ZCCHC8: variants seen among roughly 807,000 people sequenced by gnomAD.
ZCCHC8 encodes zinc finger CCHC-type containing 8.
A neutral mutation model predicts 70.6 loss-of-function variants in ZCCHC8; 27 were observed. The observed-to-expected ratio is 0.38, with a 90% CI of 0.28 to 0.53. ZCCHC8 has a LOEUF of 0.53. ZCCHC8 is among the 20% of genes least tolerant of loss of function. ZCCHC8 has a pLI of 0.81. For missense variants in ZCCHC8, 737 were observed against 876.9 expected (o/e 0.84, Z 2.01); for synonymous variants, 293 against 317.4 (o/e 0.92, Z 0.82).
At chr12:122,475,734 G>A (rs752006713) in intron 13 of ZCCHC8, among the ~76,000 whole-genome samples, 2 of 152,116 alleles carry the variant, frequency 1.3e-5, no homozygotes, top group Non-Finnish European at 2.9e-5. Context: ...CACAAGTCTG[G>A]CCCTATAACC....
chr12:122,487,225 A>G (rs1331908748), intron 5 of ZCCHC8, among the ~76,000 whole-genome samples: 5 of 152,176 alleles, frequency 3.3e-5, no homozygotes, highest in Non-Finnish European at 7.3e-5. Flanking sequence ...CCTGACTACA[A>G]TGTAATTCGA....
In ZCCHC8 at chr12:122,483,420, G is replaced by T; in HGVS notation, c.605+40C>A. On this transcript the variant is annotated intron_variant, in intron 6 of 13. Coordinates refer to ENST00000633063, the MANE Select transcript of ZCCHC8 (RefSeq NM_017612.5). The surrounding 1 kb of genome is among the most constrained non-coding windows in gnomAD (Gnocchi z 4.4). ...AATTGTTTTAAAGGTGAACTTAGTG[G>T]CAAGATGCATAAAAGATCTTCATTC... 6.4e-7 allele frequency: 1 copy of T among 1,569,020 alleles called. No homozygotes were observed. The highest frequency in any genetic ancestry group is 1.3e-5 in the African/African-American group (1 of 74,118).
At chr12:122,494,355 C>T (rs1484734679) in intron 2 of ZCCHC8, among the ~76,000 whole-genome samples, 1 of 150,930 alleles carries the variant, frequency 6.6e-6, no homozygotes, top group Non-Finnish European at 1.5e-5. Flanking sequence ...AGTTCGAGAC[C>T]AGCCTGGCCA....
intron 2 of ZCCHC8, among the ~76,000 whole-genome samples, chr12:122,496,815 C>G (rs975386201): frequency 6.6e-6 from 1 of 152,056 alleles, no homozygotes; most frequent in Non-Finnish European, 1.5e-5. Flanking sequence ...ACAAAGTTAG[C>G]TCACATAGAG....
At chr12:122,481,472 A>AG in intron 10 of ZCCHC8, 50 bp downstream of exon 10, 1 of 1,506,670 alleles carries the variant, frequency 6.6e-7, no homozygotes, top group Non-Finnish European at 8.9e-7. Context: ...CTTTAATTAA[A>AG]AAAAAAAAGG....
chr12:122,476,078 A>G (rs558095632), intron 13 of ZCCHC8, among the ~76,000 whole-genome samples: 1 of 152,342 alleles, frequency 6.6e-6, no homozygotes, highest in South Asian at 2.1e-4. Context: ...TACAGTCTGG[A>G]ACTGCTCTGT....
chr12:122,474,356 G>A (rs1217141535), intron 13 of ZCCHC8, 81 bp from the exon 14 acceptor site: 1 of 1,269,912 alleles, frequency 7.9e-7, no homozygotes, highest in African/African-American at 1.5e-5. Context: ...GAACTCAGGT[G>A]TATCCAGTAA....
At position 122,480,320 on chromosome 12, in the gene ZCCHC8, G is replaced by A. The variant is rs1488276358; in HGVS notation, c.1019-9C>T. The A allele has an allele frequency of 1.2e-6, 2 of 1,602,608 alleles. No individual in the cohort carries two copies. The highest frequency in any genetic ancestry group is 1.7e-5 in the Admixed American group (1 of 58,346). ...TTCCCCATCAGTGCCATCTATTACAGACCATAAAAAGTGTTAATATTGCTA... is the reference window on the plus strand; with the variant it reads ...TTCCCCATCAGTGCCATCTATTACAAACCATAAAAAGTGTTAATATTGCTA... On this transcript the variant is annotated splice_polypyrimidine_tract_variant and intron_variant, in intron 10 of 13. Transcript: ENST00000633063.
intron 7 of ZCCHC8, chr12:122,482,907 G>T (rs1319605127): frequency 1.9e-6 from 1 of 537,718 alleles, no homozygotes; most frequent in Non-Finnish European, 3.2e-6. Context: ...GAACCCTTCT[G>T]TTCCTGACTG....
In ZCCHC8 at chr12:122,480,305, G is replaced by C. The variant is rs1245243901; in HGVS notation, c.1025C>G (p.Thr342Ser). 6.2e-7 allele frequency: 1 copy of C among 1,610,212 alleles called. No individual in the cohort carries two copies. The change falls in exon 11 of 14, where the codon ACT becomes AGT. Residue 342 changes from threonine to serine, a missense_variant. Coordinates refer to ENST00000633063, the MANE Select transcript of ZCCHC8 (RefSeq NM_017612.5). ...TTCTCCAACTTCTGTTTCCCCATCA[G>C]TGCCATCTATTACAGACCATAAAAA... Reference protein sequence around the residue: ...GLALYDGKDGTDGETEVGEIQ... With the variant: ...GLALYDGKDGSDGETEVGEIQ...
chr12:122,481,796 T>C (rs1369910551), intron 9 of ZCCHC8, 132 bp from the exon 10 acceptor site: 5 of 1,382,680 alleles, frequency 3.6e-6, no homozygotes, highest in Non-Finnish European at 4.8e-6. Flanking sequence ...AATTAAAATT[T>C]AAAGAAGTGT....
chr12:122,500,170 C>A lies in ZCCHC8; in HGVS notation c.199+472G>T. On this transcript the variant is annotated intron_variant, in intron 1 of 13. Transcript: ENST00000633063. This position sits in a 1 kb window ranked among gnomAD's most constrained non-coding sequence, Gnocchi z 4.8. ...CACCCGGATTCCTTGAGGCCCCCAA[C>A]TCTGCATTCTGGGACCACTAGCGTT... is the stretch of plus-strand genomic sequence containing the variant. 1 of 160,910 alleles carries A rather than the reference C, an allele frequency of 6.2e-6. No individual in the cohort carries two copies. The allele number at this position is 160,910 out of a possible 1,614,324, so 10.0% of individuals were successfully genotyped here. A position where few individuals can be genotyped will look rare whatever the true frequency, so the allele number is the denominator to read the frequency against.
At chr12:122,498,060 C>T (rs1325982741) in intron 2 of ZCCHC8, among the ~76,000 whole-genome samples, 1 of 151,718 alleles carries the variant, frequency 6.6e-6, no homozygotes, top group East Asian at 1.9e-4. Context: ...TTCAAAAGCA[C>T]ATTACTTTTT....
intron 5 of ZCCHC8, among the ~76,000 whole-genome samples, chr12:122,484,414 ATT>A (rs59816817): frequency 0.019 from 2,640 of 138,738 alleles, 67 homozygotes; most frequent in African/African-American, 0.062. Flanking sequence ...ATACTCTTTA[ATT>A]TTTTTTTTTT....
At chr12:122,484,184 C>T (rs1437433457) in intron 5 of ZCCHC8, 2 of 152,206 alleles carry the variant, frequency 1.3e-5, no homozygotes, top group Non-Finnish European at 2.9e-5. Flanking sequence ...CCTCCACCTG[C>T]CAGGCTCAAA....
intron 2 of ZCCHC8, among the ~76,000 whole-genome samples, chr12:122,495,907 A>G (rs1471335912): frequency 6.9e-6 from 1 of 144,846 alleles, no homozygotes; most frequent in Non-Finnish European, 1.5e-5. Context: ...GACTAAGCCC[A>G]GTGTAATCCC....
Position 122,493,850 on chromosome 12 carries a change from T to C in ZCCHC8, c.243-1061A>G, listed in dbSNP as rs533377668. Among the ~76,000 whole-genome samples, 763 of 152,052 alleles carry C rather than the reference T, an allele frequency of 5.0e-3. 6 individuals are homozygous for C. Among genetic ancestry groups the C allele is most frequent in the African/African-American group, 0.018 (731 of 41,490 alleles). On this transcript the variant is annotated intron_variant, in intron 2 of 13. Transcript: ENST00000633063. The stretch of plus-strand genomic sequence containing the variant: ...GGATGGTCTCGATCTCCTGACCTCG[T>C]GATCTGCCCGCCTCGGCCTCCCAAA...
intron 5 of ZCCHC8, among the ~76,000 whole-genome samples, chr12:122,487,755 C>A (rs1957667573): frequency 6.6e-6 from 1 of 152,148 alleles, no homozygotes; most frequent in Admixed American, 6.6e-5. Context: ...AGAGATGCGA[C>A]ATCCTTTGTA....
At chr12:122,494,508 CA>C (rs1378614829) in intron 2 of ZCCHC8, among the ~76,000 whole-genome samples, 1 of 148,514 alleles carries the variant, frequency 6.7e-6, no homozygotes, top group Non-Finnish European at 1.5e-5. Flanking sequence ...TGCAGTGAGC[CA>C]AGATTGTGCC....
Sources: allele counts gnomAD v4.1 joint callset (sites outside exome capture counted in the v4.1 genomes callset), GRCh38; gene constraint gnomAD v4.1.1; non-coding constraint Gnocchi (gnomAD v3.1); transcripts MANE v1.5; gene names NCBI Gene and HGNC (gene_info 2026-07-23, HGNC 2026-07-21).